Variants in ZNF175 observed in about 807,000 individuals in gnomAD.
The protein encoded by ZNF175 is zinc finger protein OTK18.
Under a neutral mutation model 14.0 loss-of-function variants are expected in ZNF175, and 8 were observed. The ratio of observed to expected loss-of-function variants is 0.57; its 90% CI spans 0.34 to 1.03. ZNF175 has a LOEUF of 1.03. Among genes scored for constraint, ZNF175 ranks in the 50% least tolerant of loss-of-function variants. The probability of loss-of-function intolerance (pLI) is 0.03; values close to 1 mark genes in which losing one functional copy is unlikely to be tolerated. For synonymous variants in ZNF175, 255 were observed against 296.8 expected (o/e 0.86, Z 1.45); for missense variants, 764 against 849.5 (o/e 0.90, Z 1.25).
At chr19:51,573,527 G>T (rs1453486179) in intron 2 of ZNF175, 126 bp downstream of exon 2, 2 of 839,902 alleles carry the variant, frequency 2.4e-6, no homozygotes, top group Non-Finnish European at 3.8e-6. Flanking sequence ...CACAGAGGCT[G>T]ATGTTTCCAC....
At chr19:51,574,916 T>C (rs944103627) in intron 2 of ZNF175, among the ~76,000 whole-genome samples, 2 of 152,186 alleles carry the variant, frequency 1.3e-5, no homozygotes, top group Admixed American at 6.5e-5. Context: ...ATTCAGATTT[T>C]CCATCAGTGT....
chr19:51,591,394 A>C lies in ZNF175; in HGVS notation c.*2927A>C. 6.6e-6 allele frequency: 1 copy of C among 152,216 alleles called. No individual in the cohort carries two copies. Among genetic ancestry groups the C allele is most frequent in the African/African-American group, 2.4e-5 (1 of 41,432 alleles). 9.4% of individuals were successfully genotyped at this position (152,216 alleles called of 1,614,324 possible). On this transcript the variant is annotated 3_prime_UTR_variant, in exon 5 of 5. Transcript: ENST00000262259. ...TTGATGGGTCCCAGGGAGCTATCTA[A>C]AGTTTTCAGTCACATGAGGGCATGC...
rs1982222222 is a variant in ZNF175 at position 51,587,850 on chromosome 19, G to A, written c.1519G>A (p.Asp507Asn). The change falls in exon 5 of 5, where the codon GAC becomes AAC. Residue 507 changes from aspartate (D) to asparagine (N), a missense_variant. Coordinates refer to ENST00000262259, the MANE Select transcript of ZNF175 (RefSeq NM_007147.4). ...AGGGGAGAAACCTTATGAATGCAGT[G>A]ACTGTGGAAAAACCTTCACCCAAAA... ...HTGEKPYECSDCGKTFTQKSH... is the reference protein window; with the variant it reads ...HTGEKPYECSNCGKTFTQKSH... 2.5e-6 allele frequency: 4 copies of A among 1,614,132 alleles called. No homozygotes were observed. The highest frequency in any genetic ancestry group is 3.4e-6 in the Non-Finnish European group (4 of 1,180,026).
At chr19:51,571,802 GC>G (rs1981594955) in intron 1 of ZNF175, among the ~76,000 whole-genome samples, 1 of 152,180 alleles carries the variant, frequency 6.6e-6, no homozygotes, top group South Asian at 2.1e-4. Context: ...TTGATTGGCA[GC>G]CAAGAGCTTC....
rs1982361176 is a variant in ZNF175 at position 51,591,922 on chromosome 19, C to T, written c.*3455C>T. On this transcript the variant is annotated 3_prime_UTR_variant, in exon 5 of 5. Transcript: ENST00000262259. ...TAGCTGGGACTACAGGCGCCCACCA[C>T]CATGCCTGGCTAATTTTTTGTATTT... 2.6e-5 allele frequency: 4 copies of T among 151,800 alleles called. No individual in the cohort carries two copies. The highest frequency in any genetic ancestry group is 2.6e-4 in the Admixed American group (4 of 15,210). The allele number at this position is 151,800 out of a possible 1,614,324, so 9.4% of individuals were successfully genotyped here.
At chr19:51,584,837 T>A (rs913164278) in intron 4 of ZNF175, among the ~76,000 whole-genome samples, 12 of 151,888 alleles carry the variant, frequency 7.9e-5, no homozygotes, top group African/African-American at 2.9e-4. Flanking sequence ...GAATAACAAG[T>A]GTTGGCAAGG....
chr19:51,577,201 G>A (rs1228712772), intron 2 of ZNF175, among the ~76,000 whole-genome samples: 1 of 152,144 alleles, frequency 6.6e-6, no homozygotes, highest in Admixed American at 6.5e-5. Flanking sequence ...AAAATGACTT[G>A]ATTTACCCTC....
chr19:51,589,935 A>G lies in ZNF175; in HGVS notation c.*1468A>G, dbSNP rs962050107. ...TATGTTCATCATCATATACCTGTGT[A>G]AGTACTCTTTCATTGATTTATAAAA... is the stretch of plus-strand genomic sequence containing the variant. On this transcript the variant is annotated 3_prime_UTR_variant, in exon 5 of 5. Coordinates refer to ENST00000262259, the MANE Select transcript of ZNF175 (RefSeq NM_007147.4). 1 of 289,616 alleles carries G rather than the reference A, an allele frequency of 3.5e-6. No individual in the cohort carries two copies. The allele number at this position is 289,616 out of a possible 1,614,324, so 17.9% of individuals were successfully genotyped here.
Position 51,592,256 on chromosome 19 carries a change from C to T in ZNF175, c.*3789C>T. ...GGAGCCAACCTACCTGGATGCTACA[C>T]ATCCCAGCTCTGCCCCTCGCTAGTT... On this transcript the variant is annotated 3_prime_UTR_variant, in exon 5 of 5. Transcript: ENST00000262259. The T allele has an allele frequency of 5.0e-6, 1 of 201,854 alleles. No homozygotes were observed. The highest frequency in any genetic ancestry group is 1.0e-5 in the Non-Finnish European group (1 of 100,426). 12.5% of individuals were successfully genotyped at this position (201,854 alleles called of 1,614,324 possible). A position where few individuals can be genotyped will look rare whatever the true frequency, so the allele number is the denominator to read the frequency against.
At chr19:51,583,151 G>A (rs549294928) in intron 4 of ZNF175, among the ~76,000 whole-genome samples, 6 of 152,204 alleles carry the variant, frequency 3.9e-5, no homozygotes, top group South Asian at 2.1e-4. Context: ...CACCGTGCCC[G>A]GCTATGGGCA....
At chr19:51,578,215 G>A (rs979483893) in intron 2 of ZNF175, among the ~76,000 whole-genome samples, 7 of 150,686 alleles carry the variant, frequency 4.6e-5, no homozygotes, top group African/African-American at 1.7e-4. Context: ...TGGCCAACAT[G>A]GTGAAACCCC....
chr19:51,573,278 G>A lies in ZNF175; in HGVS notation c.-52G>A, dbSNP rs1410941780. On this transcript the variant is annotated 5_prime_UTR_variant, in exon 2 of 5. Transcript: ENST00000262259. ...CACCTATCCAGCTTCTGGCTCCTGG[G>A]AAAAGTGGAGTTGTCAGCAAGAGAG... The A allele has an allele frequency of 6.3e-7, 1 of 1,594,578 alleles. No homozygotes were observed. The highest frequency in any genetic ancestry group is 1.3e-5 in the African/African-American group (1 of 74,220).
At chr19:51,575,208 GGTTTTTTTTTTT>G (rs1981732667) in intron 2 of ZNF175, among the ~76,000 whole-genome samples, 5 of 99,216 alleles carry the variant, frequency 5.0e-5, no homozygotes, top group African/African-American at 2.0e-4. Flanking sequence ...TTTTTAGAGA[GGTTTTTTTTTTT>G]TTTTTTTTTT....
In ZNF175 at chr19:51,591,820, G is replaced by C. The variant is rs561121740; in HGVS notation, c.*3353G>C. 1.3e-5 allele frequency: 2 copies of C among 150,120 alleles called. No individual in the cohort carries two copies. The highest frequency in any genetic ancestry group is 4.9e-5 in the African/African-American group (2 of 40,524). 9.3% of individuals were successfully genotyped at this position (150,120 alleles called of 1,614,324 possible). A position where few individuals can be genotyped will look rare whatever the true frequency, so the allele number is the denominator to read the frequency against. ...CTCGCTCTGTCGCCCAGGCTCTGGA[G>C]TGCAGTGGCACGATCTCAGCTCACT... On this transcript the variant is annotated 3_prime_UTR_variant, in exon 5 of 5. Coordinates refer to ENST00000262259, the MANE Select transcript of ZNF175 (RefSeq NM_007147.4).
intron 1 of ZNF175, among the ~76,000 whole-genome samples, chr19:51,571,755 A>G (rs1366348323): frequency 6.6e-6 from 1 of 152,160 alleles, no homozygotes; most frequent in Non-Finnish European, 1.5e-5. Flanking sequence ...CGTTCAGGGA[A>G]GGGATTCACT....
intron 2 of ZNF175, among the ~76,000 whole-genome samples, chr19:51,577,783 C>T (rs1981848275): frequency 6.6e-6 from 1 of 151,462 alleles, no homozygotes; most frequent in East Asian, 2.0e-4. Flanking sequence ...CCTGCTTCAG[C>T]CTCCCGAGTA....
intron 2 of ZNF175, among the ~76,000 whole-genome samples, chr19:51,578,830 G>C (rs1332441859): frequency 6.6e-6 from 1 of 151,992 alleles, no homozygotes; most frequent in African/African-American, 2.4e-5. Context: ...CAGAAACACA[G>C]AAATGGCCAC....
intron 2 of ZNF175, among the ~76,000 whole-genome samples, chr19:51,575,880 T>C (rs565139441): frequency 3.2e-4 from 49 of 152,340 alleles, no homozygotes; most frequent in African/African-American, 1.1e-3. Context: ...CTAGAACTGG[T>C]TCAGATTCTG....
chr19:51,591,387 C>A lies in ZNF175; in HGVS notation c.*2920C>A, dbSNP rs1982340449. 6.6e-6 allele frequency: 1 copy of A among 152,220 alleles called. No individual in the cohort carries two copies. Among genetic ancestry groups the A allele is most frequent in the Admixed American group, 6.5e-5 (1 of 15,272 alleles). 9.4% of individuals were successfully genotyped at this position (152,220 alleles called of 1,614,324 possible). On this transcript the variant is annotated 3_prime_UTR_variant, in exon 5 of 5. Transcript: ENST00000262259. ...TTTGGAATTGATGGGTCCCAGGGAG[C>A]TATCTAAAGTTTTCAGTCACATGAG...
Sources: allele counts gnomAD v4.1 joint callset (sites outside exome capture counted in the v4.1 genomes callset), GRCh38; gene constraint gnomAD v4.1.1; transcripts MANE v1.5; gene names NCBI Gene and HGNC (gene_info 2026-07-23, HGNC 2026-07-21).